Variants in SMYD3 observed in about 807,000 individuals in gnomAD.
SMYD3 encodes SET and MYND domain containing 3.
In SMYD3, 36 loss-of-function variants were observed where a neutral mutation model predicts 57.7. That is an observed-to-expected ratio of 0.62 (90% CI 0.48 to 0.82). The LOEUF (loss-of-function observed/expected upper bound fraction) is 0.82, where lower values mean the gene tolerates loss of function less well. Ranked by LOEUF, SMYD3 falls within the 40% of genes least tolerant of loss-of-function variation. The probability of loss-of-function intolerance (pLI) is 0.00; values close to 1 mark genes in which losing one functional copy is unlikely to be tolerated. For missense variants in SMYD3, 515 were observed against 538.8 expected, an observed-to-expected ratio of 0.96 and a Z score of 0.44; for synonymous variants, 211 against 195.0, an observed-to-expected ratio of 1.08 and a Z score of -0.68.
At chr1:246,358,085 A>G (rs1319053195) in intron 1 of SMYD3, among the ~76,000 whole-genome samples, 1 of 152,226 alleles carries the variant, frequency 6.6e-6, no homozygotes, top group Non-Finnish European at 1.5e-5. Context: ...CTAACACATA[A>G]GGACTCACAT....
At chr1:246,192,953 A>G (rs1352767729) in intron 5 of SMYD3, among the ~76,000 whole-genome samples, 7 of 152,204 alleles carry the variant, frequency 4.6e-5, no homozygotes, top group Non-Finnish European at 8.8e-5. Flanking sequence ...TCAATTGATA[A>G]TGAAGGCTTT....
chr1:246,480,795 CT>C (rs1044631219), intron 1 of SMYD3, among the ~76,000 whole-genome samples: 228 of 149,574 alleles, frequency 1.5e-3, no homozygotes, highest in African/African-American at 5.0e-3. Flanking sequence ...TTCAAAAGAT[CT>C]TTTTTTTTTC....
intron 5 of SMYD3, among the ~76,000 whole-genome samples, chr1:246,302,610 TGG>T (rs752039457): frequency 2.6e-5 from 4 of 152,124 alleles, no homozygotes; most frequent in Non-Finnish European, 4.4e-5. Flanking sequence ...CTGAATAGAA[TGG>T]GTTAGGGTTA....
chr1:246,276,660 C>A (rs2064339765), intron 5 of SMYD3, among the ~76,000 whole-genome samples: 1 of 151,410 alleles, frequency 6.6e-6, no homozygotes, highest in Admixed American at 6.6e-5. Flanking sequence ...AGTCTGATGC[C>A]CACGTTTGAA....
intron 5 of SMYD3, among the ~76,000 whole-genome samples, chr1:246,169,569 T>C (rs931084769): frequency 1.3e-5 from 2 of 151,868 alleles, no homozygotes; most frequent in African/African-American, 4.8e-5. Flanking sequence ...CCAGGCAGAA[T>C]AACAATGGAT....
intron 5 of SMYD3, among the ~76,000 whole-genome samples, chr1:246,002,220 C>T (rs12734611): frequency 0.5 from 73,790 of 147,114 alleles, 19,555 homozygotes; most frequent in Non-Finnish European, 0.59. Context: ...AGTCTCGCTC[C>T]GTCACCCAGG....
chr1:246,305,271 C>G (rs898918927), intron 5 of SMYD3, among the ~76,000 whole-genome samples: 1 of 152,118 alleles, frequency 6.6e-6, no homozygotes, highest in South Asian at 2.1e-4. Flanking sequence ...CAAGAAGATA[C>G]AGAATCGCTT....
At chr1:245,966,362 T>G (rs1218868214) in intron 5 of SMYD3, among the ~76,000 whole-genome samples, 2 of 151,892 alleles carry the variant, frequency 1.3e-5, no homozygotes, top group Non-Finnish European at 2.9e-5. Context: ...AGAGATGAGG[T>G]CTCATTATGT....
chr1:245,999,556 A>G (rs1180811437), intron 5 of SMYD3, among the ~76,000 whole-genome samples: 2 of 152,172 alleles, frequency 1.3e-5, no homozygotes, highest in African/African-American at 4.8e-5. Flanking sequence ...TTAAACAACT[A>G]AGCTGGTTGC....
chr1:246,047,166 T>C (rs1314222394), intron 5 of SMYD3, among the ~76,000 whole-genome samples: 1 of 152,238 alleles, frequency 6.6e-6, no homozygotes, highest in Non-Finnish European at 1.5e-5. Flanking sequence ...TAAAGCTCAT[T>C]TGCAATAATG....
At chr1:246,360,772 A>C (rs918638415) in intron 1 of SMYD3, among the ~76,000 whole-genome samples, 1 of 152,136 alleles carries the variant, frequency 6.6e-6, no homozygotes, top group Non-Finnish European at 1.5e-5. Flanking sequence ...CTGGATCCTC[A>C]TCTCTCACCT....
chr1:245,945,228 C>T (rs2057392509), intron 5 of SMYD3, among the ~76,000 whole-genome samples: 1 of 152,058 alleles, frequency 6.6e-6, no homozygotes, highest in African/African-American at 2.4e-5. Flanking sequence ...GCAATCTATC[C>T]ATCTAACAAT....
chr1:245,915,246 G>GC (rs1377756937), intron 8 of SMYD3, among the ~76,000 whole-genome samples: 1 of 152,072 alleles, frequency 6.6e-6, no homozygotes, highest in East Asian at 1.9e-4. Flanking sequence ...TAGCACTCTG[G>GC]CCTTCACCCA....
chr1:245,823,341 G>A (rs1270941590), intron 10 of SMYD3, among the ~76,000 whole-genome samples: 2 of 93,532 alleles, frequency 2.1e-5, no homozygotes. Context: ...ACGCGCGCTC[G>A]TGCTTGCTCG....
At chr1:246,149,146 A>G (rs537291867) in intron 5 of SMYD3, among the ~76,000 whole-genome samples, 61 of 152,366 alleles carry the variant, frequency 4.0e-4, no homozygotes, top group African/African-American at 1.4e-3. Flanking sequence ...CTGATTTTTA[A>G]AATACCTCTT....
chr1:246,414,584 A>G lies in SMYD3; in HGVS notation c.165-59490T>C, dbSNP rs563562695. 2.6e-5 allele frequency among the ~76,000 whole-genome samples: 4 copies of G among 151,638 alleles called. No individual in the cohort carries two copies. The South Asian group carries it at 6.3e-4, about 24-fold the overall frequency. On this transcript the variant is annotated intron_variant, in intron 1 of 11. Coordinates refer to ENST00000490107, the MANE Select transcript of SMYD3 (RefSeq NM_001167740.2). ...TACGTATATATTTTAACTGCATACTATATGTGTAAAATATATATATTCATA... is the reference window on the plus strand; with the variant it reads ...TACGTATATATTTTAACTGCATACTGTATGTGTAAAATATATATATTCATA...
intron 1 of SMYD3, among the ~76,000 whole-genome samples, chr1:246,418,405 G>T (rs2067095056): frequency 6.6e-6 from 1 of 152,188 alleles, no homozygotes; most frequent in Non-Finnish European, 1.5e-5. Context: ...GTGGGGCTCG[G>T]ACCCCATGGC....
At chr1:246,103,053 G>A (rs2061047866) in intron 5 of SMYD3, among the ~76,000 whole-genome samples, 1 of 152,146 alleles carries the variant, frequency 6.6e-6, no homozygotes, top group Non-Finnish European at 1.5e-5. Flanking sequence ...CCTGAGGGCA[G>A]GATTTATGTC....
intron 5 of SMYD3, among the ~76,000 whole-genome samples, chr1:245,974,371 T>A (rs2058374443): frequency 6.6e-6 from 1 of 152,202 alleles, no homozygotes; most frequent in African/African-American, 2.4e-5. Context: ...ATCCATGTCA[T>A]CCAGTCTATC....
Sources: gnomAD v4.1 joint callset for allele counts (sites outside exome capture counted in the v4.1 genomes callset) on GRCh38, gnomAD v4.1.1 for gene constraint, MANE v1.5 for transcripts, NCBI Gene and HGNC (gene_info 2026-07-23, HGNC 2026-07-21) for gene names.